Variants in TNNI3K observed in about 807,000 individuals in gnomAD.
TNNI3K encodes TNNI3 interacting kinase.
TNNI3K carries 140 observed loss-of-function variants against 114.5 expected under a neutral mutation model. The observed-to-expected ratio is 1.22, with a 90% CI of 1.07 to 1.41. The LOEUF is 1.41. TNNI3K is among the 40% of genes most tolerant of loss of function. TNNI3K has a pLI of 0.00. For synonymous variants in TNNI3K, 347 were observed against 347.5 expected, an observed-to-expected ratio of 1.00 and a Z score of 0.02; for missense variants, 1,125 against 1,007.6, an observed-to-expected ratio of 1.12 and a Z score of -1.58.
chr1:74,354,507 G>C (rs534219647), intron 11 of TNNI3K, among the ~76,000 whole-genome samples: 1 of 151,590 alleles, frequency 6.6e-6, no homozygotes, highest in African/African-American at 2.4e-5. Flanking sequence ...CAAGGGGGGG[G>C]GAAAGAAATA....
At chr1:74,516,586 C>A (rs1646351351) in intron 23 of TNNI3K, among the ~76,000 whole-genome samples, 1 of 152,108 alleles carries the variant, frequency 6.6e-6, no homozygotes, top group South Asian at 2.1e-4. Context: ...TAGACCCAGG[C>A]CTGCTGCTTG....
intron 5 of TNNI3K, among the ~76,000 whole-genome samples, chr1:74,277,413 G>A (rs1357431488): frequency 6.6e-6 from 1 of 152,036 alleles, no homozygotes; most frequent in African/African-American, 2.4e-5. Flanking sequence ...CACAAAAAAA[G>A]TATTTGGAAA....
At chr1:74,305,347 G>A (rs897651166) in intron 5 of TNNI3K, among the ~76,000 whole-genome samples, 3 of 152,166 alleles carry the variant, frequency 2.0e-5, no homozygotes, top group African/African-American at 7.2e-5. Flanking sequence ...TTTGGAACAT[G>A]CTTTCAGGAT....
At chr1:74,264,485 TA>T (rs899877725) in intron 4 of TNNI3K, among the ~76,000 whole-genome samples, 7 of 152,040 alleles carry the variant, frequency 4.6e-5, no homozygotes, top group Non-Finnish European at 1.0e-4. Flanking sequence ...ATTACTTTTC[TA>T]AAAAAACCTT....
intron 20 of TNNI3K, among the ~76,000 whole-genome samples, chr1:74,439,832 G>T (rs1022015388): frequency 6.6e-6 from 1 of 151,832 alleles, no homozygotes; most frequent in Non-Finnish European, 1.5e-5. Flanking sequence ...ACACAGAAAT[G>T]CAGGTATATT....
At position 74,331,541 on chromosome 1, in the gene TNNI3K, A is replaced by G. The variant is rs750423126; in HGVS notation, c.536A>G (p.His179Arg). ...TTGCATATTGCAGCGTACTATGGAC[A>G]TGAACAGGTAAGTCTGACAGTAGGA... ...TPLHIAAYYG[H>R]EQVTRLLLKF... The change falls in exon 6 of 25, where the codon CAT (histidine) becomes CGT (arginine). Residue 179 changes from histidine to arginine, a missense_variant. By Grantham distance (29) the His-to-Arg change is conservative (BLOSUM62 0). Transcript: ENST00000326637. 9.3e-6 allele frequency: 15 copies of G among 1,610,554 alleles called. No homozygotes were observed. Among genetic ancestry groups the G allele is most frequent in the African/African-American group, 1.3e-5 (1 of 75,020 alleles).
At chr1:74,392,178 G>A (rs1026204065) in intron 17 of TNNI3K, among the ~76,000 whole-genome samples, 1 of 152,060 alleles carries the variant, frequency 6.6e-6, no homozygotes, top group Non-Finnish European at 1.5e-5. Flanking sequence ...GTCATAAGTG[G>A]TAACTGGATT....
rs892077781 is a variant in TNNI3K at position 74,281,581 on chromosome 1, C to A, written c.444+9873C>A. 1.1e-4 allele frequency among the ~76,000 whole-genome samples: 16 copies of A among 151,978 alleles called. 1 individual carries two copies. Among genetic ancestry groups the A allele is most frequent in the African/African-American group, 3.6e-4 (15 of 41,392 alleles). ...TGAGTCTTCTGTTTCAGAGCAAATT[C>A]TTTCCATTTATTCAAGTTTCTTTTT... On this transcript the variant is annotated intron_variant, in intron 5 of 24. Transcript: ENST00000326637.
intron 4 of TNNI3K, among the ~76,000 whole-genome samples, chr1:74,256,684 A>G (rs1655335275): frequency 6.6e-6 from 1 of 151,698 alleles, no homozygotes; most frequent in Non-Finnish European, 1.5e-5. Flanking sequence ...TTCATAGTCC[A>G]CTCCCTGCAA....
At chr1:74,534,688 C>T (rs879081855) in intron 23 of TNNI3K, among the ~76,000 whole-genome samples, 1 of 152,078 alleles carries the variant, frequency 6.6e-6, no homozygotes, top group Admixed American at 6.6e-5. Flanking sequence ...TTAGGAGTAT[C>T]TCCTCTATCT....
intron 17 of TNNI3K, among the ~76,000 whole-genome samples, chr1:74,411,711 AAAT>A (rs1318377364): frequency 6.6e-6 from 1 of 152,228 alleles, no homozygotes; most frequent in Admixed American, 6.5e-5. Flanking sequence ...GAATGGAAAC[AAAT>A]AATAATTCAC....
intron 21 of TNNI3K, among the ~76,000 whole-genome samples, chr1:74,466,766 G>A (rs1370289403): frequency 6.6e-6 from 1 of 152,138 alleles, no homozygotes; most frequent in Admixed American, 6.5e-5. Flanking sequence ...TTAGCAAGCT[G>A]AGTGGCAAAG....
intron 23 of TNNI3K, among the ~76,000 whole-genome samples, chr1:74,518,715 T>G (rs1158006562): frequency 6.6e-6 from 1 of 152,194 alleles, no homozygotes; most frequent in Non-Finnish European, 1.5e-5. Flanking sequence ...ATATTAGTGT[T>G]TTGAACACAT....
intron 5 of TNNI3K, among the ~76,000 whole-genome samples, chr1:74,297,712 T>C (rs2100310163): frequency 6.6e-6 from 1 of 152,318 alleles, no homozygotes; most frequent in Non-Finnish European, 1.5e-5. Flanking sequence ...TCTCATAGCA[T>C]GTCAGGGTAG....
chr1:74,332,549 C>A (rs1660260363), intron 6 of TNNI3K, among the ~76,000 whole-genome samples: 1 of 152,106 alleles, frequency 6.6e-6, no homozygotes, highest in Non-Finnish European at 1.5e-5. Flanking sequence ...ATCCTCCTGC[C>A]TCGGCCTCCT....
At chr1:74,295,174 A>G (rs1039412008) in intron 5 of TNNI3K, among the ~76,000 whole-genome samples, 1 of 3,240 alleles carries the variant, frequency 3.1e-4, no homozygotes, top group East Asian at 0.031. Context: ...GACAGTTACT[A>G]ATTATTTTTT....
intron 16 of TNNI3K, 116 bp downstream of exon 16, chr1:74,369,701 G>A (rs1005781297): frequency 1.8e-5 from 22 of 1,207,398 alleles, no homozygotes; most frequent in East Asian, 1.3e-4. Context: ...AGTGCTGCTA[G>A]CAAGTGTGTC....
intron 6 of TNNI3K, among the ~76,000 whole-genome samples, chr1:74,332,553 G>C (rs957723866): frequency 6.6e-6 from 1 of 152,040 alleles, no homozygotes; most frequent in South Asian, 2.1e-4. Context: ...TCCTGCCTCG[G>C]CCTCCTGAAG....
intron 5 of TNNI3K, among the ~76,000 whole-genome samples, chr1:74,298,122 C>T (rs957818310): frequency 6.6e-6 from 1 of 152,132 alleles, no homozygotes; most frequent in Non-Finnish European, 1.5e-5. Context: ...AGTTTACTTC[C>T]TCCACTATGG....
Sources: gnomAD v4.1 joint callset for allele counts (sites outside exome capture counted in the v4.1 genomes callset) on GRCh38, gnomAD v4.1.1 for gene constraint, MANE v1.5 for transcripts, NCBI Gene and HGNC (gene_info 2026-07-23, HGNC 2026-07-21) for gene names.